CPVL: variants seen among roughly 807,000 people sequenced by gnomAD.
CPVL encodes carboxypeptidase vitellogenic like, also known as probable serine carboxypeptidase CPVL.
CPVL carries 51 observed loss-of-function variants against 63.7 expected under a neutral mutation model. The observed-to-expected ratio is 0.80, with a 90% CI of 0.64 to 1.01. The LOEUF (loss-of-function observed/expected upper bound fraction) is 1.01, where lower values mean the gene tolerates loss of function less well. Ranked by LOEUF, CPVL falls within the 50% of genes least tolerant of loss-of-function variation. The probability of loss-of-function intolerance (pLI) is 0.00; values close to 1 mark genes in which losing one functional copy is unlikely to be tolerated. For missense variants in CPVL, 530 were observed against 573.1 expected (o/e 0.92, Z 0.77); for synonymous variants, 195 against 206.0 (o/e 0.95, Z 0.46).
Position 29,119,485 on chromosome 7 carries a change from C to CAAAAAAAAAAAA in CPVL, c.169+1396_169+1407dup. ...CTGGCAACAGAGCAAGATTCTGTCTCAAAAAAAAAAAAAAAAAAAAAAAAG... is the reference window on the plus strand; with the variant it reads ...CTGGCAACAGAGCAAGATTCTGTCTCAAAAAAAAAAAAAAAAAAAAAAAAAAAAAAAAAAAAG... On this transcript the variant is annotated intron_variant, in intron 2 of 12. Coordinates refer to ENST00000265394, the MANE Select transcript of CPVL (RefSeq NM_031311.5). 2.0e-5 allele frequency among the ~76,000 whole-genome samples: 2 copies of CAAAAAAAAAAAA among 101,384 alleles called. 1 individual carries two copies. Among genetic ancestry groups the CAAAAAAAAAAAA allele is most frequent in the African/African-American group, 7.9e-5 (2 of 25,248 alleles). 66.5% of individuals were successfully genotyped at this position (101,384 alleles called of 152,430 possible). A position where few individuals can be genotyped will look rare whatever the true frequency, so the allele number is the denominator to read the frequency against.
chr7:29,050,111 C>G (rs13229653), intron 11 of CPVL, among the ~76,000 whole-genome samples: 1 of 151,888 alleles, frequency 6.6e-6, no homozygotes, highest in South Asian at 2.1e-4. Flanking sequence ...GATGCCCATT[C>G]TCACCACTCC....
At chr7:29,013,770 G>T (rs1259775549) in intron 12 of CPVL, among the ~76,000 whole-genome samples, 1 of 152,208 alleles carries the variant, frequency 6.6e-6, no homozygotes, top group African/African-American at 2.4e-5. Context: ...TCAGCAGACA[G>T]CCCCCAGCTG....
At chr7:29,172,762 TTAA>T (rs1266445492) in intron 5 of CPVL, among the ~76,000 whole-genome samples, 5 of 152,162 alleles carry the variant, frequency 3.3e-5, no homozygotes, top group African/African-American at 1.2e-4. Flanking sequence ...CCTTAACATT[TTAA>T]TATTATAAAA....
At chr7:29,092,016 A>ACTTGGT (rs1456725930) in intron 6 of CPVL, among the ~76,000 whole-genome samples, 4 of 152,176 alleles carry the variant, frequency 2.6e-5, no homozygotes, top group Non-Finnish European at 5.9e-5. Context: ...AGAATCTAGG[A>ACTTGGT]CTTGGTCTCT....
chr7:29,136,839 A>C (rs114640121), intron 1 of CPVL, among the ~76,000 whole-genome samples: 172 of 152,202 alleles, frequency 1.1e-3, no homozygotes, highest in African/African-American at 3.7e-3. Flanking sequence ...ACTCCCATCA[A>C]CTCAAGTACT....
At chr7:29,141,698 T>C (rs1483643991) in intron 1 of CPVL, among the ~76,000 whole-genome samples, 3 of 152,100 alleles carry the variant, frequency 2.0e-5, no homozygotes, top group African/African-American at 7.2e-5. Context: ...AGGCGGATCA[T>C]GAGGTCAGGA....
Position 29,059,618 on chromosome 7 carries a change from A to C in CPVL, c.1137+4443T>G, listed in dbSNP as rs141686114. Among the ~76,000 whole-genome samples the C allele has an allele frequency of 3.9e-3, 593 of 152,326 alleles. 5 individuals carry two copies. Among genetic ancestry groups the C allele is most frequent in the African/African-American group, 0.014 (565 of 41,564 alleles). The stretch of plus-strand genomic sequence containing the variant: ...CATGATCATCTCAATTGACACAAAA[A>C]GTATTCAACAAAATCCAACATCCTT... On this transcript the variant is annotated intron_variant, in intron 11 of 12. Coordinates refer to ENST00000265394, the MANE Select transcript of CPVL (RefSeq NM_031311.5).
At chr7:29,068,981 C>T (rs1783430655) in intron 9 of CPVL, among the ~76,000 whole-genome samples, 1 of 151,626 alleles carries the variant, frequency 6.6e-6, no homozygotes, top group South Asian at 2.1e-4. Context: ...CTGCGCCCGG[C>T]CGAGGTGTCT....
intron 12 of CPVL, among the ~76,000 whole-genome samples, chr7:29,000,809 A>C (rs1326495774): frequency 6.6e-6 from 1 of 151,762 alleles, no homozygotes; most frequent in Non-Finnish European, 1.5e-5. Context: ...CACCACCCCA[A>C]AGGAAACCCA....
intron 7 of CPVL, among the ~76,000 whole-genome samples, chr7:29,078,664 C>T (rs895702107): frequency 3.3e-5 from 5 of 152,176 alleles, no homozygotes; most frequent in African/African-American, 4.8e-5. Flanking sequence ...GCTGCCTGCT[C>T]CAGCATGGTA....
chr7:29,046,452 C>T (rs1789621656), intron 11 of CPVL, among the ~76,000 whole-genome samples: 1 of 152,058 alleles, frequency 6.6e-6, no homozygotes, highest in Admixed American at 6.6e-5. Flanking sequence ...AGCACAAGTG[C>T]AAGTAAGAAT....
intron 11 of CPVL, among the ~76,000 whole-genome samples, chr7:29,035,652 C>T (rs953406132): frequency 6.6e-6 from 1 of 152,210 alleles, no homozygotes; most frequent in African/African-American, 2.4e-5. Context: ...GCTACATCCC[C>T]AGGCCTTGCA....
chr7:29,144,757 G>A (rs245871), intron 1 of CPVL, among the ~76,000 whole-genome samples: 136,436 of 152,178 alleles, frequency 0.9, 61,474 homozygotes, highest in East Asian at 1. Flanking sequence ...CTCATTTTTA[G>A]AATTCTGTTA....
intron 5 of CPVL, among the ~76,000 whole-genome samples, chr7:29,168,982 T>G (rs1292617010): frequency 6.6e-6 from 1 of 152,204 alleles, no homozygotes; most frequent in Non-Finnish European, 1.5e-5. Context: ...AAATTCTATT[T>G]GATGAAAATG....
chr7:29,129,831 G>A (rs1790496727), intron 1 of CPVL, among the ~76,000 whole-genome samples: 1 of 152,096 alleles, frequency 6.6e-6, no homozygotes, highest in Non-Finnish European at 1.5e-5. Flanking sequence ...GTTGGATTAG[G>A]GCAGGGCTTT....
intron 12 of CPVL, among the ~76,000 whole-genome samples, chr7:29,025,264 A>G (rs2128147294): frequency 6.8e-6 from 1 of 147,774 alleles, no homozygotes; most frequent in Middle Eastern, 3.5e-3. Context: ...TGTAGGCTAT[A>G]CAAGTATGGC....
intron 12 of CPVL, chr7:29,009,160 T>G (rs563047877): frequency 1.5e-5 from 2 of 136,476 alleles, no homozygotes; most frequent in South Asian, 4.6e-4. Flanking sequence ...TGTGTGTGTA[T>G]GCCAGAGTCC....
intron 12 of CPVL, among the ~76,000 whole-genome samples, chr7:29,018,149 C>T (rs573739357): frequency 4.6e-5 from 7 of 152,156 alleles, no homozygotes; most frequent in Non-Finnish European, 7.3e-5. Context: ...ATAGAAGCTA[C>T]ACCCAGTAAG....
rs542818828 is a variant in CPVL, at chr7:29,017,637, A to C, written c.1320+12940T>G. Among the ~76,000 whole-genome samples, 159 of 152,326 alleles carry C rather than the reference A, an allele frequency of 1.0e-3. 1 individual carries two copies. The highest frequency in any genetic ancestry group is 3.8e-3 in the African/African-American group (156 of 41,576). ...AACACAGCAGGACTCCCTCTCAAAAAACAAAACAAAATGAAACAAAAAACC... is the reference window on the plus strand; with the variant it reads ...AACACAGCAGGACTCCCTCTCAAAACACAAAACAAAATGAAACAAAAAACC... On this transcript the variant is annotated intron_variant, in intron 12 of 12. Transcript: ENST00000265394.
Sources: gnomAD v4.1 joint callset for allele counts (sites outside exome capture counted in the v4.1 genomes callset) on GRCh38, gnomAD v4.1.1 for gene constraint, MANE v1.5 for transcripts, NCBI Gene and HGNC (gene_info 2026-07-23, HGNC 2026-07-21) for gene names.